Variants in NRXN1 observed in about 807,000 individuals in gnomAD.
NRXN1 encodes the protein neurexin-1.
In NRXN1, 39 loss-of-function variants were observed where a neutral mutation model predicts 150.9. The ratio of observed to expected loss-of-function variants is 0.26; its 90% CI spans 0.20 to 0.34. The LOEUF is 0.34. NRXN1 is among the 10% of genes least tolerant of loss of function. NRXN1 has a pLI of 1.00. For missense variants in NRXN1, 1,815 were observed against 1,949.9 expected, an observed-to-expected ratio of 0.93 and a Z score of 1.30; for synonymous variants, 924 against 757.0, an observed-to-expected ratio of 1.22 and a Z score of -3.62.
intron 17 of NRXN1, among the ~76,000 whole-genome samples, chr2:50,339,383 G>T (rs574550272): frequency 6.6e-6 from 1 of 152,158 alleles, no homozygotes; most frequent in East Asian, 1.9e-4. Context: ...TTAAACTGGG[G>T]ATCTCAGAGC....
rs111331795 is a variant in NRXN1, at chr2:50,928,470, C to T, written c.773-2515G>A. ...TCCCTACATTATTTCAGAATTTGGACGTGATTATAACTGGTGGTAGCTCCA... is the reference window on the plus strand; with the variant it reads ...TCCCTACATTATTTCAGAATTTGGATGTGATTATAACTGGTGGTAGCTCCA... On this transcript the variant is annotated intron_variant, in intron 2 of 22. Coordinates refer to ENST00000401669, the MANE Select transcript of NRXN1 (RefSeq NM_001330078.2). 1.9e-3 allele frequency among the ~76,000 whole-genome samples: 293 copies of T among 152,110 alleles called. 4 individuals are homozygous for T. Among genetic ancestry groups the T allele is most frequent in the African/African-American group, 6.8e-3 (281 of 41,526 alleles).
At chr2:50,181,166 C>T (rs1365764723) in intron 18 of NRXN1, among the ~76,000 whole-genome samples, 1 of 151,914 alleles carries the variant, frequency 6.6e-6, no homozygotes, top group Non-Finnish European at 1.5e-5. Context: ...GACATAAGTG[C>T]ATGATGATAT....
Position 51,011,952 on chromosome 2 carries a change from A to C in NRXN1, c.772+15550T>G, listed in dbSNP as rs137901635. Among the ~76,000 whole-genome samples, 510 of 152,062 alleles carry C rather than the reference A, an allele frequency of 3.4e-3. 3 individuals are homozygous for C. Among genetic ancestry groups the C allele is most frequent in the African/African-American group, 0.011 (470 of 41,512 alleles). On this transcript the variant is annotated intron_variant, in intron 2 of 22. Transcript: ENST00000401669. ...GCATAATATCAATAGAATCAAGAGA[A>C]CTTGGTCACAGAAAGCATGTGATTA...
At position 51,026,350 on chromosome 2, in the gene NRXN1, T is replaced by C. The variant is rs202078509; in HGVS notation, c.772+1152A>G. The C allele has an allele frequency of 5.3e-6, 8 of 1,512,628 alleles. No homozygotes were observed. In the East Asian group the frequency reaches 1.8e-4, roughly 35 times the overall value. The allele number at this position is 1,512,628 out of a possible 1,614,324, so 93.7% of individuals were successfully genotyped here. ...TCTCCTACTTAGCCACTGATTCGTC[T>C]TTTTCACACCACTCACTCACTTTCT... On this transcript the variant is annotated intron_variant, in intron 2 of 22. Transcript: ENST00000401669.
At chr2:50,272,282 T>C (rs1165688933) in intron 17 of NRXN1, among the ~76,000 whole-genome samples, 2 of 152,186 alleles carry the variant, frequency 1.3e-5, no homozygotes, top group Non-Finnish European at 2.9e-5. Flanking sequence ...CAGTTCACTA[T>C]AGACCTACCA....
intron 17 of NRXN1, among the ~76,000 whole-genome samples, chr2:50,265,992 A>T (rs921288393): frequency 1.1e-5 from 1 of 88,786 alleles, no homozygotes; most frequent in African/African-American, 6.2e-5. Context: ...TATTATTATT[A>T]TTATTATTTA....
rs555048078 is a variant in NRXN1, at chr2:51,014,862, G to C, written c.772+12640C>G. On this transcript the variant is annotated intron_variant, in intron 2 of 22. Transcript: ENST00000401669. ...GAAAATAGTGCCTGACACACTGTGA[G>C]AGCCATTTAAGATTTTGCTATTGTT... Among the ~76,000 whole-genome samples, 70 of 152,176 alleles carry C rather than the reference G, an allele frequency of 4.6e-4. No individual in the cohort carries two copies. The Middle Eastern group carries it at 0.017, about 37-fold the overall frequency.
chr2:50,299,053 C>G (rs984942611), intron 17 of NRXN1, among the ~76,000 whole-genome samples: 2 of 152,078 alleles, frequency 1.3e-5, no homozygotes, highest in Non-Finnish European at 2.9e-5. Context: ...TGATCTGACC[C>G]CTGAGGTAGC....
chr2:49,964,702 A>G (rs1194243285), intron 21 of NRXN1, among the ~76,000 whole-genome samples: 2 of 145,832 alleles, frequency 1.4e-5, no homozygotes, highest in Admixed American at 6.8e-5. Context: ...TTAGCTGGAC[A>G]TGGTGGCGGG....
At chr2:50,226,499 A>G (rs1653814848) in intron 18 of NRXN1, among the ~76,000 whole-genome samples, 1 of 151,960 alleles carries the variant, frequency 6.6e-6, no homozygotes. Context: ...AGAAAGAAGA[A>G]GAAGGAGGAG....
chr2:50,746,559 AAAC>A (rs77543976), intron 5 of NRXN1, among the ~76,000 whole-genome samples: 83,570 of 148,952 alleles, frequency 0.56, 23,908 homozygotes, highest in Non-Finnish European at 0.62. Flanking sequence ...CCCTGTCTCA[AAAC>A]AACAACAACA....
intron 18 of NRXN1, among the ~76,000 whole-genome samples, chr2:50,098,864 T>TGG (rs1558874965): frequency 4.0e-4 from 9 of 22,516 alleles, no homozygotes; most frequent in African/African-American, 1.2e-3. Flanking sequence ...TTTTTTTTTT[T>TGG]TTTTTTTTTT....
intron 17 of NRXN1, among the ~76,000 whole-genome samples, chr2:50,262,594 C>T (rs779304012): frequency 3.3e-5 from 5 of 151,918 alleles, no homozygotes; most frequent in Admixed American, 6.6e-5. Context: ...AGAATCATTC[C>T]AAGCTGAAAT....
intron 8 of NRXN1, among the ~76,000 whole-genome samples, chr2:50,613,921 A>G (rs955326394): frequency 1.3e-5 from 2 of 152,160 alleles, no homozygotes; most frequent in African/African-American, 2.4e-5. Flanking sequence ...CTGGGTTCAT[A>G]TAAGTGAAGA....
chr2:50,926,161 CTT>C (rs1039746580), intron 2 of NRXN1, among the ~76,000 whole-genome samples: 8 of 151,874 alleles, frequency 5.3e-5, no homozygotes, highest in African/African-American at 1.9e-4. Flanking sequence ...GTGAGACAAA[CTT>C]TCATAATACT....
intron 18 of NRXN1, among the ~76,000 whole-genome samples, chr2:50,181,925 G>C (rs867740528): frequency 1.3e-5 from 2 of 151,888 alleles, no homozygotes; most frequent in African/African-American, 4.8e-5. Flanking sequence ...TTCAGATAAA[G>C]ATAGTTTTTA....
At chr2:50,257,960 C>A (rs1198549992) in intron 17 of NRXN1, among the ~76,000 whole-genome samples, 1 of 151,636 alleles carries the variant, frequency 6.6e-6, no homozygotes, top group Non-Finnish European at 1.5e-5. Flanking sequence ...TTTAAGTATG[C>A]AACAGCATTA....
chr2:50,368,061 T>C (rs1423548316), intron 17 of NRXN1, among the ~76,000 whole-genome samples: 1 of 151,992 alleles, frequency 6.6e-6, no homozygotes, highest in Non-Finnish European at 1.5e-5. Flanking sequence ...TTACACCACT[T>C]AGCAAAGACT....
intron 17 of NRXN1, among the ~76,000 whole-genome samples, chr2:50,264,746 G>A (rs1018705641): frequency 2.6e-5 from 4 of 151,886 alleles, no homozygotes; most frequent in South Asian, 2.1e-4. Flanking sequence ...CTGTACACAC[G>A]GCAGGAAGAA....
Sources: allele counts gnomAD v4.1 joint callset (sites outside exome capture counted in the v4.1 genomes callset), GRCh38; gene constraint gnomAD v4.1.1; transcripts MANE v1.5; gene names NCBI Gene and HGNC (gene_info 2026-07-23, HGNC 2026-07-21).